GGA1: variants seen among roughly 807,000 people sequenced by gnomAD.
GGA1 encodes the protein ADP-ribosylation factor-binding protein GGA1.
A neutral mutation model predicts 76.9 loss-of-function variants in GGA1; 18 were observed. The observed-to-expected ratio is 0.23, with a 90% CI of 0.16 to 0.35. The LOEUF is 0.35. Ranked by LOEUF, GGA1 falls within the 10% of genes least tolerant of loss-of-function variation. The pLI, the probability that GGA1 is intolerant of heterozygous loss-of-function variation, is 1.00. For missense variants in GGA1, 755 were observed against 859.0 expected (o/e 0.88, Z 1.51); for synonymous variants, 342 against 354.7 (o/e 0.96, Z 0.40).
At chr22:37,610,707 A>G (rs1260094336) in intron 1 of GGA1, 1 of 152,254 alleles carries the variant, frequency 6.6e-6, no homozygotes, top group Non-Finnish European at 1.5e-5. Context: ...GAGGTAAATG[A>G]TGTTATTGTC....
chr22:37,625,019 AAGC>A lies in GGA1; in HGVS notation c.887_889del (p.Gln296del). 1 of 1,602,854 alleles carries A rather than the reference AAGC, an allele frequency of 6.2e-7. No homozygotes were observed. The highest frequency in any genetic ancestry group is 8.5e-7 in the Non-Finnish European group (1 of 1,175,464). Reference sequence around the variant, plus strand: ...CCTCACCCAGGTGATCAACCTGTATAAGCAGCTGGTGCGGGGTGAGGAGGTCAA... The same window carrying A: ...CCTCACCCAGGTGATCAACCTGTATAAGCTGGTGCGGGGTGAGGAGGTCAA... On this transcript the variant is annotated inframe_deletion, in exon 10 of 17. Transcript: ENST00000343632. The surrounding 1 kb of genome is among the most constrained non-coding windows in gnomAD (Gnocchi z 4.1).
intron 13 of GGA1, 127 bp from the exon 14 acceptor site, chr22:37,630,776 C>T: frequency 1.5e-6 from 1 of 667,630 alleles, no homozygotes. Flanking sequence ...CCATGTTGCC[C>T]AGGCTGGTCT....
chr22:37,630,685 G>C (rs1931642986), intron 13 of GGA1: 1 of 551,102 alleles, frequency 1.8e-6, no homozygotes, highest in Non-Finnish European at 3.2e-6. Flanking sequence ...TCCTACGTCA[G>C]GCTCCTGAGT....
Position 37,624,683 on chromosome 22 carries a change from T to A in GGA1, c.833-286T>A, listed in dbSNP as rs1013828214. ...TAAGGGATGAAGCCATGCAGAGATC[T>A]GGGGCAGCCAGAGAGCAGAGCTGGA... On this transcript the variant is annotated intron_variant, in intron 9 of 16. Transcript: ENST00000343632. The surrounding 1 kb of genome is among the most constrained non-coding windows in gnomAD (Gnocchi z 4.3). 2.7e-6 allele frequency: 1 copy of A among 370,778 alleles called. No homozygotes were observed. The highest frequency in any genetic ancestry group is 3.6e-5 in the Admixed American group (1 of 27,412). 23.0% of individuals were successfully genotyped at this position (370,778 alleles called of 1,614,324 possible).
intron 14 of GGA1, among the ~76,000 whole-genome samples, chr22:37,631,498 G>A (rs1000475892): frequency 7.9e-5 from 12 of 152,086 alleles, no homozygotes; most frequent in African/African-American, 9.7e-5. Flanking sequence ...GCCCAGCCCC[G>A]GGCCCCAAGC....
In GGA1 at chr22:37,623,531, C is replaced by T. The variant is rs888072290; in HGVS notation, c.751-21C>T. 1.8e-5 allele frequency: 29 copies of T among 1,612,538 alleles called. No individual in the cohort carries two copies. The highest frequency in any genetic ancestry group is 2.1e-5 in the Non-Finnish European group (25 of 1,179,072). ...TCCACAGCCCACGCGGACCCTGACCCGCCCATCCTGCTGCCCTCAGGAACT... is the reference window on the plus strand; with the variant it reads ...TCCACAGCCCACGCGGACCCTGACCTGCCCATCCTGCTGCCCTCAGGAACT... On this transcript the variant is annotated intron_variant, in intron 8 of 16. Transcript: ENST00000343632. The surrounding 1 kb of genome is among the most constrained non-coding windows in gnomAD (Gnocchi z 4.6).
rs555187012 is a variant in GGA1 at position 37,628,687 on chromosome 22, GT to G, written c.1094-774del. On this transcript the variant is annotated intron_variant, in intron 11 of 16. Transcript: ENST00000343632. ...GAAGTGCATCTAGAAGGGACCCACT[GT>G]CACAGCTTCCTGGTACCCTTGCCTT... Among the ~76,000 whole-genome samples the G allele has an allele frequency of 1.1e-3, 172 of 152,356 alleles. 1 individual carries two copies. Among genetic ancestry groups the G allele is most frequent in the Middle Eastern group, 3.4e-3 (1 of 294 alleles).
intron 2 of GGA1, among the ~76,000 whole-genome samples, chr22:37,615,920 A>G (rs1394163215): frequency 6.6e-6 from 1 of 150,692 alleles, no homozygotes; most frequent in Non-Finnish European, 1.5e-5. Flanking sequence ...GGCTCACTGC[A>G]AGCTCCGCCT....
At chr22:37,630,859 C>T (rs758989557) in intron 13 of GGA1, 44 bp from the exon 14 acceptor site, 25 of 1,425,690 alleles carry the variant, frequency 1.8e-5, no homozygotes, top group South Asian at 1.1e-4. Context: ...TGAGCTACCA[C>T]GCTGGCCAAG....
chr22:37,613,006 G>A, intron 1 of GGA1: 1 of 985,428 alleles, frequency 1.0e-6, no homozygotes, highest in Non-Finnish European at 1.2e-6. Context: ...TCAGCTGACT[G>A]CTCATTCATT....
intron 1 of GGA1, 56 bp downstream of exon 1, chr22:37,608,959 C>T (rs1926912910): frequency 7.5e-7 from 1 of 1,330,148 alleles, no homozygotes; most frequent in Admixed American, 4.2e-5. Context: ...GGGCACGAGG[C>T]GGGCCCCTTC....
intron 1 of GGA1, chr22:37,613,119 G>T: frequency 1.0e-6 from 1 of 985,406 alleles, no homozygotes; most frequent in Non-Finnish European, 1.2e-6. Context: ...CCCTGGGCAG[G>T]AGTAGAGGAT....
At chr22:37,620,701 A>C in intron 5 of GGA1, 112 bp from the exon 6 acceptor site, 1 of 761,640 alleles carries the variant, frequency 1.3e-6, no homozygotes, top group East Asian at 2.5e-5. Context: ...GCGTGCTGGC[A>C]AAAGACTGAC....
chr22:37,613,757 A>AG (rs1928207286), intron 1 of GGA1, among the ~76,000 whole-genome samples: 1 of 152,046 alleles, frequency 6.6e-6, no homozygotes, highest in Admixed American at 6.5e-5. Context: ...TTGAGAACCT[A>AG]GCTTCCCTTG....
At chr22:37,620,965 G>A (rs774268879) in intron 6 of GGA1, 52 bp downstream of exon 6, 11 of 1,115,738 alleles carry the variant, frequency 9.9e-6, no homozygotes, top group East Asian at 2.3e-5. Context: ...GTGGGGGTCC[G>A]TGGGTTCTGA....
chr22:37,630,675 TC>T, intron 13 of GGA1: 2 of 546,800 alleles, frequency 3.7e-6, no homozygotes, highest in Non-Finnish European at 6.4e-6. Context: ...CAAGCGATTC[TC>T]CTACGTCAGG....
At chr22:37,618,592 G>A (rs1291779321) in intron 4 of GGA1, 46 bp downstream of exon 4, 2 of 1,198,466 alleles carry the variant, frequency 1.7e-6, no homozygotes, top group Admixed American at 1.7e-5. Context: ...TCGGATGTGG[G>A]GAGAGGAAAG....
At chr22:37,612,591 G>A (rs1484550644) in intron 1 of GGA1, 1 of 137,942 alleles carries the variant, frequency 7.2e-6, no homozygotes, top group Non-Finnish European at 1.6e-5. Context: ...CTAACATGGT[G>A]AAACCCTGTC....
chr22:37,625,187 C>A lies in GGA1; in HGVS notation c.940+111C>A. On this transcript the variant is annotated intron_variant, in intron 10 of 16. Coordinates refer to ENST00000343632, the MANE Select transcript of GGA1 (RefSeq NM_013365.5). The surrounding 1 kb of genome is among the most constrained non-coding windows in gnomAD (Gnocchi z 4.1). ...GGCTGGAATGACTGCCAGGGTGACC[C>A]TGGCCCCTTAAGATGGGGAAGGCCC... 1.0e-6 allele frequency: 1 copy of A among 1,000,176 alleles called. No homozygotes were observed. The highest frequency in any genetic ancestry group is 1.5e-6 in the Non-Finnish European group (1 of 669,454). The allele number at this position is 1,000,176 out of a possible 1,614,324, so 62.0% of individuals were successfully genotyped here. A position where few individuals can be genotyped will look rare whatever the true frequency, so the allele number is the denominator to read the frequency against.
Sources: allele counts gnomAD v4.1 joint callset (sites outside exome capture counted in the v4.1 genomes callset), GRCh38; gene constraint gnomAD v4.1.1; non-coding constraint Gnocchi (gnomAD v3.1); transcripts MANE v1.5; gene names NCBI Gene and HGNC (gene_info 2026-07-23, HGNC 2026-07-21).